GCNT4: variants seen among roughly 807,000 people sequenced by gnomAD.
GCNT4 encodes glucosaminyl (N-acetyl) transferase 4, also known as beta-1,3-galactosyl-O-glycosyl-glycoprotein beta-1,6-N-acetylglucosaminyltransferase 4.
GCNT4 carries 17 observed loss-of-function variants against 31.3 expected under a neutral mutation model. That is an observed-to-expected ratio of 0.54 (90% CI 0.37 to 0.81). The LOEUF (loss-of-function observed/expected upper bound fraction) is 0.81, where lower values mean the gene tolerates loss of function less well. GCNT4 is among the 40% of genes least tolerant of loss of function. The pLI is 0.00. For synonymous variants in GCNT4, 158 were observed against 190.6 expected (o/e 0.83, Z 1.41); for missense variants, 503 against 525.5 (o/e 0.96, Z 0.42).
chr5:75,051,945 G>A (rs567406886), intron 2 of GCNT4, among the ~76,000 whole-genome samples: 2 of 152,230 alleles, frequency 1.3e-5, no homozygotes, highest in Admixed American at 1.3e-4. Context: ...ATCTTAACTG[G>A]TCATTTCTCA....
chr5:75,033,640 C>T (rs879935063), intron 3 of GCNT4, among the ~76,000 whole-genome samples: 3 of 151,400 alleles, frequency 2.0e-5, no homozygotes, highest in Non-Finnish European at 2.9e-5. Context: ...CTGCTTACCA[C>T]GGCCAGAAAT....
At chr5:75,040,317 C>A (rs955906647) in intron 3 of GCNT4, among the ~76,000 whole-genome samples, 1 of 151,862 alleles carries the variant, frequency 6.6e-6, no homozygotes, top group Non-Finnish European at 1.5e-5. Flanking sequence ...TCCTTGTTTT[C>A]TTCTGAGCAC....
intron 3 of GCNT4, among the ~76,000 whole-genome samples, chr5:75,046,939 T>G (rs1743452606): frequency 6.6e-6 from 1 of 152,248 alleles, no homozygotes; most frequent in South Asian, 2.1e-4. Context: ...GACAGTCTAC[T>G]TAACAGTCTT....
chr5:75,043,370 C>T (rs1215442232), intron 3 of GCNT4, among the ~76,000 whole-genome samples: 1 of 152,168 alleles, frequency 6.6e-6, no homozygotes, highest in Non-Finnish European at 1.5e-5. Flanking sequence ...CTTCCAACAT[C>T]CATCCTCTCT....
intron 3 of GCNT4, among the ~76,000 whole-genome samples, chr5:75,038,508 G>C (rs1333155056): frequency 6.6e-6 from 1 of 152,144 alleles, no homozygotes; most frequent in Non-Finnish European, 1.5e-5. Context: ...GAATAATTTA[G>C]AAACGATAGG....
rs1303558307 is a variant in GCNT4, at chr5:75,027,337, A to ATT, written c.*1338_*1339insAA. Reference sequence around the variant, plus strand: ...GTATATATAATATATATTCATATACAATATATGTATATATAATATATATAT... The same window carrying ATT: ...GTATATATAATATATATTCATATACATTATATATGTATATATAATATATATAT... On this transcript the variant is annotated 3_prime_UTR_variant, in exon 4 of 4. Coordinates refer to ENST00000652361, the MANE Select transcript of GCNT4 (RefSeq NM_001366737.1). 64 of 48,004 alleles carry ATT rather than the reference A, an allele frequency of 1.3e-3. No homozygotes were observed. Among genetic ancestry groups the ATT allele is most frequent in the South Asian group, 3.3e-3 (4 of 1,198 alleles). The allele number at this position is 48,004 out of a possible 1,614,324, so 3.0% of individuals were successfully genotyped here. A position where few individuals can be genotyped will look rare whatever the true frequency, so the allele number is the denominator to read the frequency against.
chr5:75,047,847 T>G (rs1203954217), intron 3 of GCNT4, 50 bp downstream of exon 3: 1 of 152,172 alleles, frequency 6.6e-6, no homozygotes, highest in Non-Finnish European at 1.5e-5. Context: ...CCTATTATTC[T>G]GAAGCTTCTG....
chr5:75,042,881 T>C (rs1051371723), intron 3 of GCNT4, among the ~76,000 whole-genome samples: 1 of 152,168 alleles, frequency 6.6e-6, no homozygotes, highest in African/African-American at 2.4e-5. Context: ...GTGTGCATAT[T>C]AGACACAATA....
chr5:75,052,114 A>G (rs769571152), intron 2 of GCNT4, 55 bp downstream of exon 2: 1 of 152,176 alleles, frequency 6.6e-6, no homozygotes, highest in Non-Finnish European at 1.5e-5. Flanking sequence ...TGATGCTTTA[A>G]TAGGGACATG....
intron 3 of GCNT4, among the ~76,000 whole-genome samples, chr5:75,045,805 A>T (rs1360239258): frequency 6.6e-6 from 1 of 152,244 alleles, no homozygotes; most frequent in Non-Finnish European, 1.5e-5. Context: ...TGCAGAGAGA[A>T]ATAAACAGTG....
At chr5:75,053,625 C>T (rs1389722346), upstream of GCNT4, among the ~76,000 whole-genome samples, 1 of 152,002 alleles carries the variant, frequency 6.6e-6, no homozygotes, top group African/African-American at 2.4e-5. Context: ...GCGGCTCGCT[C>T]TCGCCGCGCT....
rs76228735 is a variant in GCNT4, at chr5:75,051,558, G to A, written c.-143+611C>T. Among the ~76,000 whole-genome samples the A allele has an allele frequency of 2.8e-4, 43 of 152,264 alleles. No individual in the cohort carries two copies. In the East Asian group the frequency reaches 7.7e-3, roughly 27 times the overall value. ...TCAAGGATGAGGCAGAAACAGCACC[G>A]TCAGGTACAGGGCCCTCTACCTGCT... is the stretch of plus-strand genomic sequence containing the variant. On this transcript the variant is annotated intron_variant, in intron 2 of 3. Transcript: ENST00000652361.
At chr5:75,032,420 C>T (rs932297421) in intron 3 of GCNT4, among the ~76,000 whole-genome samples, 1 of 152,168 alleles carries the variant, frequency 6.6e-6, no homozygotes, top group Non-Finnish European at 1.5e-5. Context: ...CATCACCTCG[C>T]CTGCGTCTTC....
In GCNT4 at chr5:75,025,580, C is replaced by T. The variant is rs373061970; in HGVS notation, c.*3096G>A. On this transcript the variant is annotated 3_prime_UTR_variant, in exon 4 of 4. Coordinates refer to ENST00000652361, the MANE Select transcript of GCNT4 (RefSeq NM_001366737.1). ...AACAAAAATCATTTATAATAACATA[C>T]ATATGAATACATTCACTTACACTCA... 25 of 152,262 alleles carry T rather than the reference C, an allele frequency of 1.6e-4. No individual in the cohort carries two copies. The East Asian group carries it at 4.0e-3, about 25-fold the overall frequency. The allele number at this position is 152,262 out of a possible 1,614,324, so 9.4% of individuals were successfully genotyped here.
chr5:75,020,606 T>A (rs1404687653), downstream of GCNT4, among the ~76,000 whole-genome samples: 1 of 152,036 alleles, frequency 6.6e-6, no homozygotes, highest in Non-Finnish European at 1.5e-5. Context: ...TATTCGCCCA[T>A]CCACCCACTT....
At position 75,029,502 on chromosome 5, in the gene GCNT4, A is replaced by G; in HGVS notation, c.536T>C (p.Leu179Ser). The G allele has an allele frequency of 6.2e-7, 1 of 1,614,126 alleles. No homozygotes were observed. The highest frequency in any genetic ancestry group is 8.5e-7 in the Non-Finnish European group (1 of 1,180,030). The change falls in exon 4 of 4, where the codon TTA becomes TCA. Residue 179 changes from leucine (L) to serine (S), a missense_variant. Coordinates refer to ENST00000652361, the MANE Select transcript of GCNT4 (RefSeq NM_001366737.1). Reference sequence around the variant, plus strand: ...GAAAATATTGGAGAAGCACTTAGCTAAATTGTTCATGGCAACTTTGAAGGT... The same window carrying G: ...GAAAATATTGGAGAAGCACTTAGCTGAATTGTTCATGGCAACTTTGAAGGT... ...PDTFKVAMNN[L>S]AKCFSNIFIA...
chr5:75,017,925 T>C, the GCNT4 span, among the ~76,000 whole-genome samples: 10 of 152,182 alleles, frequency 6.6e-5, no homozygotes, highest in Non-Finnish European at 1.2e-4. Context: ...TGAGAACCAG[T>C]GATCTAGATT....
chr5:75,030,803 C>CGT (rs1743044766), intron 3 of GCNT4: 1 of 167,000 alleles, frequency 6.0e-6, no homozygotes, highest in Non-Finnish European at 1.5e-5. Flanking sequence ...CTGAAGATCC[C>CGT]GTGTGTGTGC....
the GCNT4 span, chr5:75,017,398 A>C: frequency 6.6e-6 from 1 of 152,152 alleles, no homozygotes; most frequent in Non-Finnish European, 1.5e-5. Flanking sequence ...GAGCATTCAG[A>C]AATTTTCAAT....
Sources: allele counts gnomAD v4.1 joint callset (sites outside exome capture counted in the v4.1 genomes callset), GRCh38; gene constraint gnomAD v4.1.1; transcripts MANE v1.5; gene names NCBI Gene and HGNC (gene_info 2026-07-23, HGNC 2026-07-21).